EHBP1: variants seen among roughly 807,000 people sequenced by gnomAD.
The protein encoded by EHBP1 is EH domain binding protein 1.
EHBP1 carries 55 observed loss-of-function variants against 144.0 expected under a neutral mutation model. The observed-to-expected ratio is 0.38, with a 90% CI of 0.31 to 0.48. The LOEUF (loss-of-function observed/expected upper bound fraction) is 0.48. EHBP1 is among the 20% of genes least tolerant of loss of function. The probability of loss-of-function intolerance (pLI) is 0.98; values close to 1 mark genes in which losing one functional copy is unlikely to be tolerated. For synonymous variants in EHBP1, 469 were observed against 472.7 expected, an observed-to-expected ratio of 0.99 and a Z score of 0.10; for missense variants, 1,200 against 1,364.2, an observed-to-expected ratio of 0.88 and a Z score of 1.90.
chr2:62,888,608 A>T (rs562889555), intron 10 of EHBP1, among the ~76,000 whole-genome samples: 5 of 152,354 alleles, frequency 3.3e-5, no homozygotes, highest in South Asian at 2.1e-4. Flanking sequence ...TGTGTACTTT[A>T]ACAATAAAGA....
chr2:62,700,215 T>C (rs1186047776), intron 1 of EHBP1, among the ~76,000 whole-genome samples: 1 of 152,174 alleles, frequency 6.6e-6, no homozygotes, highest in African/African-American at 2.4e-5. Context: ...AGGTTTTAAA[T>C]TATTTTATTA....
At position 62,864,958 on chromosome 2, in the gene EHBP1, G is replaced by T. The variant is rs757852778; in HGVS notation, c.985G>T (p.Glu329Ter). 2 of 1,612,964 alleles carry T rather than the reference G, an allele frequency of 1.2e-6. No homozygotes were observed. Among genetic ancestry groups the T allele is most frequent in the South Asian group, 1.1e-5 (1 of 90,882 alleles). Reference protein sequence around the residue: ...LYADSSKTEEEELDESNPFYE... With the variant: ...LYADSSKTEE Reference sequence around the variant, plus strand: ...TGCTGATAGTTCTAAAACTGAAGAAGAAGAATTGGATGAGTAAGTACATTT... The same window carrying T: ...TGCTGATAGTTCTAAAACTGAAGAATAAGAATTGGATGAGTAAGTACATTT... The change falls in exon 9 of 23, where the codon GAA becomes TAA. Residue 329 changes from glutamate to a stop codon, truncating the protein, a stop_gained. Transcript: ENST00000431489. LOFTEE classifies it high-confidence loss of function.
At chr2:62,949,319 C>T (rs530554670) in intron 13 of EHBP1, among the ~76,000 whole-genome samples, 157 bp downstream of exon 13, 3 of 152,200 alleles carry the variant, frequency 2.0e-5, no homozygotes, top group African/African-American at 7.2e-5. Context: ...CCTAAGTCCC[C>T]ACTATTTGGG....
At chr2:62,993,756 A>G (rs2059513422) in intron 17 of EHBP1, 88 bp downstream of exon 17, 8 of 742,900 alleles carry the variant, frequency 1.1e-5, no homozygotes, top group Non-Finnish European at 1.5e-5. Context: ...GTATATATAT[A>G]TAGCATATAT....
chr2:62,979,374 A>G lies in EHBP1; in HGVS notation c.2608+39A>G, dbSNP rs760582038. ...TCTTCTATCATTCTACAGACAACCC[A>G]GAAATCCACAGTGGACCTTTTGGGA... On this transcript the variant is annotated intron_variant, in intron 15 of 22. Coordinates refer to ENST00000431489, the MANE Select transcript of EHBP1 (RefSeq NM_001142616.3). 9 of 1,597,196 alleles carry G rather than the reference A, an allele frequency of 5.6e-6. 1 individual carries two copies. Among genetic ancestry groups the G allele is most frequent in the South Asian group, 3.4e-5 (3 of 88,634 alleles).
chr2:62,719,609 A>G (rs2036015894), intron 2 of EHBP1, among the ~76,000 whole-genome samples: 1 of 152,230 alleles, frequency 6.6e-6, no homozygotes, highest in Admixed American at 6.5e-5. Flanking sequence ...GCATCTATGG[A>G]TTCAACCAAC....
At chr2:62,956,876 A>T (rs1250821940) in intron 14 of EHBP1, among the ~76,000 whole-genome samples, 1 of 152,166 alleles carries the variant, frequency 6.6e-6, no homozygotes, top group Non-Finnish European at 1.5e-5. Context: ...TGGAACACCT[A>T]CATGTGGCCT....
intron 5 of EHBP1, among the ~76,000 whole-genome samples, chr2:62,801,036 G>C (rs958648671): frequency 1.3e-5 from 2 of 152,064 alleles, no homozygotes; most frequent in African/African-American, 4.8e-5. Flanking sequence ...AGACCTTGCT[G>C]GATTTTTATA....
intron 16 of EHBP1, among the ~76,000 whole-genome samples, chr2:62,991,395 A>C (rs546518591): frequency 6.6e-5 from 10 of 152,236 alleles, no homozygotes; most frequent in Non-Finnish European, 1.2e-4. Flanking sequence ...GCAATATGGA[A>C]ACTATTCTTG....
chr2:63,027,272 G>T (rs1360894612), intron 19 of EHBP1, among the ~76,000 whole-genome samples: 1 of 152,182 alleles, frequency 6.6e-6, no homozygotes, highest in Non-Finnish European at 1.5e-5. Flanking sequence ...TCTGATGAAG[G>T]AAATACATGA....
intron 19 of EHBP1, among the ~76,000 whole-genome samples, chr2:63,033,182 T>C (rs577781939): frequency 4.6e-5 from 7 of 152,102 alleles, no homozygotes; most frequent in Non-Finnish European, 1.0e-4. Context: ...CTTTCGTCCA[T>C]TAAATACCAG....
At chr2:62,983,428 A>T (rs559423008) in intron 15 of EHBP1, among the ~76,000 whole-genome samples, 1 of 152,192 alleles carries the variant, frequency 6.6e-6, no homozygotes, top group South Asian at 2.1e-4. Flanking sequence ...ACATGTATAT[A>T]TATTATAAAG....
At chr2:62,838,579 T>C (rs549267218) in intron 7 of EHBP1, among the ~76,000 whole-genome samples, 135 of 151,478 alleles carry the variant, frequency 8.9e-4, no homozygotes, top group African/African-American at 3.2e-3. Context: ...ATCAACAAAA[T>C]TGATAGACCA....
intron 4 of EHBP1, among the ~76,000 whole-genome samples, chr2:62,768,690 C>A (rs965540733): frequency 6.6e-6 from 1 of 152,152 alleles, no homozygotes; most frequent in Non-Finnish European, 1.5e-5. Flanking sequence ...ATCCTAATAA[C>A]AAAACCTGGC....
chr2:62,738,340 A>G (rs1198216344), intron 2 of EHBP1, among the ~76,000 whole-genome samples: 1 of 152,164 alleles, frequency 6.6e-6, no homozygotes, highest in Non-Finnish European at 1.5e-5. Context: ...GCCCTATAGT[A>G]TTATCACATT....
chr2:62,993,488 A>T (rs768308885), intron 16 of EHBP1, 42 bp from the exon 17 acceptor site: 1 of 1,407,256 alleles, frequency 7.1e-7, no homozygotes, highest in South Asian at 1.9e-5. Context: ...TTTTATGTTT[A>T]TGAGATCAGG....
chr2:62,777,340 G>A lies in EHBP1; in HGVS notation c.312+5948G>A, dbSNP rs185324985. ...ACTGTTTTATTTTAATACATTAAAA[G>A]CATATTGATGAAAGGCACCAATCAG... On this transcript the variant is annotated intron_variant, in intron 5 of 22. Coordinates refer to ENST00000431489, the MANE Select transcript of EHBP1 (RefSeq NM_001142616.3). 1.3e-4 allele frequency among the ~76,000 whole-genome samples: 20 copies of A among 152,204 alleles called. No individual in the cohort carries two copies. The East Asian group carries it at 2.5e-3, about 19-fold the overall frequency.
intron 10 of EHBP1, among the ~76,000 whole-genome samples, chr2:62,938,525 A>C (rs1175654458): frequency 6.6e-6 from 1 of 152,234 alleles, no homozygotes; most frequent in Non-Finnish European, 1.5e-5. Flanking sequence ...TGTTAGGAAG[A>C]ATAACTAGGT....
At chr2:62,686,436 A>G (rs2151738363) in intron 1 of EHBP1, among the ~76,000 whole-genome samples, 1 of 152,340 alleles carries the variant, frequency 6.6e-6, no homozygotes, top group South Asian at 2.1e-4. Context: ...CCAGCCAAGC[A>G]TAAATAAGTG....
Sources: allele counts gnomAD v4.1 joint callset (sites outside exome capture counted in the v4.1 genomes callset), GRCh38; gene constraint gnomAD v4.1.1; transcripts MANE v1.5; gene names NCBI Gene and HGNC (gene_info 2026-07-23, HGNC 2026-07-21).